Variants in DRC3 observed in about 807,000 individuals in gnomAD.
The protein encoded by DRC3 is leucine rich repeat containing 48.
In DRC3, 45 loss-of-function variants were observed where a neutral mutation model predicts 57.6. The observed-to-expected ratio is 0.78, with a 90% CI of 0.62 to 1.00. The LOEUF is 1.00. Among genes scored for constraint, DRC3 ranks in the 50% least tolerant of loss-of-function variants. The pLI is 0.00. For synonymous variants in DRC3, 257 were observed against 272.3 expected (o/e 0.94, Z 0.55); for missense variants, 655 against 675.2 (o/e 0.97, Z 0.33).
At chr17:18,004,723 AT>A in intron 10 of DRC3, 1 of 517,394 alleles carries the variant, frequency 1.9e-6, no homozygotes, top group East Asian at 3.4e-5. Flanking sequence ...TTCTTCTGAA[AT>A]GGTCCCCCTA....
intron 2 of DRC3, among the ~76,000 whole-genome samples, chr17:17,975,510 T>TCCCCCCCCC (rs1452301866): frequency 1.7e-5 from 2 of 115,850 alleles, no homozygotes; most frequent in African/African-American, 3.7e-5. Flanking sequence ...GCGCCTGACC[T>TCCCCCCCCC]CCCCACCCCC....
chr17:17,989,241 C>T (rs1006971011), intron 5 of DRC3, among the ~76,000 whole-genome samples: 25 of 152,136 alleles, frequency 1.6e-4, no homozygotes, highest in Non-Finnish European at 2.5e-4. Context: ...CCTGGCCGCA[C>T]GCATCGTTGA....
chr17:18,007,523 G>C, intron 12 of DRC3: 2 of 1,541,532 alleles, frequency 1.3e-6, no homozygotes, highest in Non-Finnish European at 8.8e-7. Context: ...TGTATAATGA[G>C]TACTGTGGGG....
intron 2 of DRC3, 71 bp from the exon 3 acceptor site, chr17:17,977,511 A>G: frequency 6.3e-7 from 1 of 1,579,096 alleles, no homozygotes; most frequent in Non-Finnish European, 8.7e-7. Context: ...TACAGGGGGA[A>G]ACCTCAGCCA....
intron 2 of DRC3, 88 bp from the exon 3 acceptor site, chr17:17,977,494 A>G: frequency 4.7e-6 from 7 of 1,490,064 alleles, no homozygotes; most frequent in Non-Finnish European, 6.5e-6. Flanking sequence ...CAGTGGCCAC[A>G]AGACACTACA....
intron 3 of DRC3, among the ~76,000 whole-genome samples, chr17:17,982,910 T>C (rs898421283): frequency 1.3e-5 from 2 of 152,218 alleles, no homozygotes; most frequent in Non-Finnish European, 1.5e-5. Flanking sequence ...ATTTTAGAAA[T>C]CATTACAAAA....
rs374364586 is a variant in DRC3, at chr17:18,004,316, A to G, written c.1000-47A>G. On this transcript the variant is annotated intron_variant, in intron 9 of 13. Transcript: ENST00000399187. ...ACCAAATTGCCACCTGCCATTATCTAATTACACTTAGTTGTTGATTCCTAA... is the reference window on the plus strand; with the variant it reads ...ACCAAATTGCCACCTGCCATTATCTGATTACACTTAGTTGTTGATTCCTAA... 2.4e-5 allele frequency: 37 copies of G among 1,561,700 alleles called. No individual in the cohort carries two copies. The African/African-American group carries it at 4.9e-4, about 21-fold the overall frequency.
intron 12 of DRC3, among the ~76,000 whole-genome samples, chr17:18,014,157 G>A (rs2145460312): frequency 6.6e-6 from 1 of 152,278 alleles, no homozygotes; most frequent in Admixed American, 6.5e-5. Context: ...TGACTGAGGT[G>A]ATCCACCCAC....
At chr17:17,994,192 A>AC in intron 6 of DRC3, 107 bp from the exon 7 acceptor site, 1 of 1,435,704 alleles carries the variant, frequency 7.0e-7, no homozygotes, top group Non-Finnish European at 9.4e-7. Flanking sequence ...CCTGTGCAAC[A>AC]CCCCTGCCCA....
At chr17:18,012,663 T>A (rs554352729) in intron 12 of DRC3, among the ~76,000 whole-genome samples, 3 of 150,216 alleles carry the variant, frequency 2.0e-5, no homozygotes, top group African/African-American at 7.4e-5. Flanking sequence ...GCCTGAGCAA[T>A]AGAGCCAGAC....
chr17:18,010,955 T>C, intron 12 of DRC3: 1 of 243,478 alleles, frequency 4.1e-6, no homozygotes, highest in South Asian at 4.3e-5. Flanking sequence ...TTTTTGTTTG[T>C]TTGTTTGTTT....
At chr17:17,975,542 A>G (rs117361397) in intron 2 of DRC3, among the ~76,000 whole-genome samples, 4,799 of 137,592 alleles carry the variant, frequency 0.035, 88 homozygotes, top group Middle Eastern at 0.042. Flanking sequence ...AAGGCCAAAC[A>G]CTTTGCAGAA....
intron 3 of DRC3, among the ~76,000 whole-genome samples, chr17:17,980,515 G>C (rs999237918): frequency 6.6e-6 from 1 of 151,248 alleles, no homozygotes; most frequent in Non-Finnish European, 1.5e-5. Context: ...GGCTGGTTTC[G>C]AACTCCTGAG....
At chr17:17,994,882 T>C in intron 7 of DRC3, 117 bp from the exon 8 acceptor site, 1 of 697,414 alleles carries the variant, frequency 1.4e-6, no homozygotes, top group East Asian at 2.7e-5. Context: ...CCTCTGCACA[T>C]GCCATTCTCT....
chr17:17,996,522 A>C (rs1302376371), intron 8 of DRC3, among the ~76,000 whole-genome samples: 2 of 152,142 alleles, frequency 1.3e-5, no homozygotes. Flanking sequence ...ACTCACCCCC[A>C]TAATTCAATT....
intron 4 of DRC3, among the ~76,000 whole-genome samples, chr17:17,984,442 G>T (rs1008589710): frequency 6.6e-6 from 1 of 152,122 alleles, no homozygotes; most frequent in Non-Finnish European, 1.5e-5. Context: ...GCAAACTGAG[G>T]TCACCACACC....
chr17:18,003,414 G>A (rs952514709), intron 9 of DRC3, among the ~76,000 whole-genome samples: 4 of 143,568 alleles, frequency 2.8e-5, no homozygotes, highest in Non-Finnish European at 6.1e-5. Flanking sequence ...GAACTCAGGA[G>A]GCAGAGGTTG....
rs573466511 is a variant in DRC3 at position 17,985,733 on chromosome 17, C to T, written c.277+1789C>T. Among the ~76,000 whole-genome samples, 220 of 152,308 alleles carry T rather than the reference C, an allele frequency of 1.4e-3. 4 individuals carry two copies. The South Asian group carries it at 0.018, about 12-fold the overall frequency. On this transcript the variant is annotated intron_variant, in intron 4 of 13. Coordinates refer to ENST00000399187, the MANE Select transcript of DRC3 (RefSeq NM_031294.4). The stretch of plus-strand genomic sequence containing the variant: ...AGCACCTCAAATCAGGGGTTTTCCT[C>T]AGCCCCCATTGGTAAACACTTGCTA...
rs73303861 is a variant in DRC3, at chr17:18,016,580, G to A, written c.1481G>A (p.Arg494Lys). ...CAGATTCACAAGGATGAGATCATGAGGAACCGCAAGCGCGTGAAGGAGATC... is the reference window on the plus strand; with the variant it reads ...CAGATTCACAAGGATGAGATCATGAAGAACCGCAAGCGCGTGAAGGAGATC... ...IDRIHKDEIM[R>K]NRKRVKEINQ... Residue 494 changes from arginine to lysine, a missense_variant, in exon 14 of 14, where the codon AGG becomes AAG. Physicochemically the swap from Arg to Lys is conservative, Grantham distance 26. Transcript: ENST00000399187. 1 of 1,613,708 alleles carries A rather than the reference G, an allele frequency of 6.2e-7. No individual in the cohort carries two copies. The highest frequency in any genetic ancestry group is 1.3e-5 in the African/African-American group (1 of 75,028).
Sources: gnomAD v4.1 joint callset for allele counts (sites outside exome capture counted in the v4.1 genomes callset) on GRCh38, gnomAD v4.1.1 for gene constraint, MANE v1.5 for transcripts, NCBI Gene and HGNC (gene_info 2026-07-23, HGNC 2026-07-21) for gene names.